Variants in FAHD2B observed in about 807,000 individuals in gnomAD.
FAHD2B encodes the protein fumarylacetoacetate hydrolase domain containing 2B, also known as oxaloacetate tautomerase FAHD2B, mitochondrial.
A neutral mutation model predicts 33.7 loss-of-function variants in FAHD2B; 26 were observed. That is an observed-to-expected ratio of 0.77 (90% CI 0.57 to 1.07). FAHD2B has a LOEUF of 1.07. FAHD2B is among the 50% of genes least tolerant of loss of function. The pLI is 0.00. For synonymous variants in FAHD2B, 108 were observed against 150.9 expected (o/e 0.72, Z 2.08); for missense variants, 272 against 388.1 (o/e 0.70, Z 2.51).
intron 3 of FAHD2B, among the ~76,000 whole-genome samples, chr2:97,090,757 A>T (rs886954192): frequency 2.0e-5 from 3 of 151,672 alleles, no homozygotes; most frequent in African/African-American, 7.3e-5. Context: ...ATACATAGAG[A>T]GTGTCCTCTT....
rs751966944 is a variant in FAHD2B at position 97,083,987 on chromosome 2, T to TG, written c.842dup (p.Gly282ArgfsTer17). ...GAGGTTTCCTGAATACACCGACACC[T>TG]GGGGGGGTCCCAGTTAGGATGACAT... On this transcript the variant is annotated frameshift_variant, in exon 8 of 9. Coordinates refer to ENST00000414820, the MANE Select transcript of FAHD2B (RefSeq NM_001320848.2). LOFTEE classifies it high-confidence loss of function. 3.0e-5 allele frequency: 49 copies of TG among 1,613,564 alleles called. No individual in the cohort carries two copies. Among genetic ancestry groups the TG allele is most frequent in the South Asian group, 9.9e-5 (9 of 90,912 alleles).
At chr2:97,085,066 G>A (rs1430651060) in intron 6 of FAHD2B, among the ~76,000 whole-genome samples, 1 of 152,128 alleles carries the variant, frequency 6.6e-6, no homozygotes, top group Non-Finnish European at 1.5e-5. Flanking sequence ...GTTGGTCTTA[G>A]TGTTCTACCA....
At chr2:97,088,205 G>A (rs2032113494) in intron 4 of FAHD2B, among the ~76,000 whole-genome samples, 1 of 152,098 alleles carries the variant, frequency 6.6e-6, no homozygotes, top group African/African-American at 2.4e-5. Context: ...TATAACAGCA[G>A]AGTTGAATTG....
In FAHD2B at chr2:97,083,983, C is replaced by T. The variant is rs781452898; in HGVS notation, c.847G>A (p.Val283Ile). 2.6e-5 allele frequency: 42 copies of T among 1,613,752 alleles called. No individual in the cohort carries two copies. Among genetic ancestry groups the T allele is most frequent in the African/African-American group, 2.4e-4 (18 of 74,932 alleles). ...DVILTGTPPGVGVFRKPPVFL... is the reference protein window; with the variant it reads ...DVILTGTPPGIGVFRKPPVFL... ...ACAGGAGGTTTCCTGAATACACCGA[C>T]ACCTGGGGGGGTCCCAGTTAGGATG... The change falls in exon 8 of 9, where the codon GTC (valine) becomes ATC (isoleucine). Residue 283 changes from valine to isoleucine, a missense_variant. Physicochemically the swap from Val to Ile is conservative, Grantham distance 29 (BLOSUM62 3). Transcript: ENST00000414820.
rs572970382 is a variant in FAHD2B, at chr2:97,086,206, G to T, written c.463-8C>A. 18 of 1,610,978 alleles carry T rather than the reference G, an allele frequency of 1.1e-5. No individual in the cohort carries two copies. The African/African-American group carries it at 2.4e-4, about 21-fold the overall frequency. Reference sequence around the variant, plus strand: ...CACTTCCCAATCTACCTCCTGTAGGGTGGGAGAGGAATAGTGAGCCGCAGT... The same window carrying T: ...CACTTCCCAATCTACCTCCTGTAGGTTGGGAGAGGAATAGTGAGCCGCAGT... On this transcript the variant is annotated splice_polypyrimidine_tract_variant and splice_region_variant and intron_variant, in intron 4 of 8. Transcript: ENST00000414820.
intron 2 of FAHD2B, 62 bp from the exon 3 acceptor site, chr2:97,091,774 G>A: frequency 6.4e-7 from 1 of 1,557,646 alleles, no homozygotes; most frequent in Non-Finnish European, 8.7e-7. Context: ...CAGCATCCCT[G>A]ATATTCCTAG....
downstream of FAHD2B, chr2:97,081,894 G>A (rs1174578971): frequency 1.7e-6 from 1 of 582,570 alleles, no homozygotes; most frequent in African/African-American, 2.1e-5. Flanking sequence ...ATCCTCTTGG[G>A]TCTCTAGGTC....
downstream of FAHD2B, chr2:97,081,085 GACC>G (rs2031626682): frequency 6.6e-7 from 1 of 1,509,250 alleles, no homozygotes. Context: ...CCTCATAATG[GACC>G]CTCCGCCCCC....
At position 97,083,943 on chromosome 2, in the gene FAHD2B, C is replaced by T. The variant is rs1373959536; in HGVS notation, c.882+5G>A. 1.2e-6 allele frequency: 2 copies of T among 1,613,782 alleles called. No homozygotes were observed. Among genetic ancestry groups the T allele is most frequent in the African/African-American group, 2.7e-5 (2 of 74,934 alleles). On this transcript the variant is annotated splice_donor_5th_base_variant and intron_variant, in intron 8 of 8. Transcript: ENST00000414820. The stretch of plus-strand genomic sequence containing the variant: ...CCTTGCTCTCTTTGCTTTTCGCTAA[C>T]CTACCTTGAGAAAGACAGGAGGTTT...
chr2:97,086,013 G>C (rs2031958820), intron 5 of FAHD2B, 126 bp downstream of exon 5: 4 of 1,279,944 alleles, frequency 3.1e-6, no homozygotes, highest in African/African-American at 1.4e-5. Context: ...GAGCAAGGAG[G>C]CTGACTGCTT....
chr2:97,085,116 G>A (rs1443360649), intron 6 of FAHD2B, among the ~76,000 whole-genome samples: 6 of 151,810 alleles, frequency 4.0e-5, no homozygotes, highest in Non-Finnish European at 5.9e-5. Context: ...TAACTTTGCC[G>A]AGGACTCTGT....
downstream of FAHD2B, chr2:97,082,336 G>A: frequency 4.4e-6 from 7 of 1,602,834 alleles, no homozygotes; most frequent in Non-Finnish European, 6.0e-6. Flanking sequence ...TTGTTCCCTT[G>A]CAGTCCTCGA....
intron 6 of FAHD2B, among the ~76,000 whole-genome samples, chr2:97,084,779 G>C (rs983530658): frequency 6.6e-6 from 1 of 151,866 alleles, no homozygotes; most frequent in Admixed American, 6.6e-5. Context: ...CAGGCGTGGT[G>C]GTGCGTGCCT....
intron 4 of FAHD2B, among the ~76,000 whole-genome samples, chr2:97,088,626 C>T (rs2032147145): frequency 1.3e-5 from 2 of 150,788 alleles, no homozygotes; most frequent in Non-Finnish European, 3.0e-5. Flanking sequence ...AGAAAACAGA[C>T]TAATACAGCC....
chr2:97,082,294 C>A, downstream of FAHD2B: 1 of 1,583,514 alleles, frequency 6.3e-7, no homozygotes, highest in Non-Finnish European at 8.6e-7. Flanking sequence ...CCTTCCTCCG[C>A]CAGGGCCAGC....
intron 4 of FAHD2B, among the ~76,000 whole-genome samples, chr2:97,089,450 C>T (rs1390690551): frequency 8.9e-5 from 12 of 134,988 alleles, no homozygotes; most frequent in African/African-American, 2.5e-4. Context: ...ACCCAGGAGG[C>T]GGAGGTTGCA....
intron 6 of FAHD2B, among the ~76,000 whole-genome samples, 171 bp downstream of exon 6, chr2:97,085,528 G>A (rs1284688125): frequency 3.9e-5 from 6 of 152,132 alleles, no homozygotes; most frequent in African/African-American, 2.4e-5. Flanking sequence ...TGGGAAGGAA[G>A]CCCATGGGAG....
In FAHD2B at chr2:97,090,305, G is replaced by A. The variant is rs749142803; in HGVS notation, c.266C>T (p.Pro89Leu). The A allele has an allele frequency of 6.8e-6, 11 of 1,612,678 alleles. No individual in the cohort carries two copies. Among genetic ancestry groups the A allele is most frequent in the Non-Finnish European group, 9.3e-6 (11 of 1,179,402 alleles). The change falls in exon 4 of 9, where the codon CCA becomes CTA. Residue 89 changes from proline to leucine, a missense_variant. By Grantham distance (98) the Pro-to-Leu change is moderately conservative. Coordinates refer to ENST00000414820, the MANE Select transcript of FAHD2B (RefSeq NM_001320848.2). ...VARRALAAQL[P>L]VLPWSEVTFL... ...GGTTACCTCCGACCATGGTAGGACTGGCAACTGGGCAGCCAAGGCTCTGTA... is the reference window on the plus strand; with the variant it reads ...GGTTACCTCCGACCATGGTAGGACTAGCAACTGGGCAGCCAAGGCTCTGTA...
chr2:97,093,758 C>A (rs911562028), intron 1 of FAHD2B, among the ~76,000 whole-genome samples: 1 of 152,100 alleles, frequency 6.6e-6, no homozygotes, highest in Admixed American at 6.6e-5. Flanking sequence ...CAGGAGTGAG[C>A]CACGGCGCCC....
Sources: gnomAD v4.1 joint callset for allele counts (sites outside exome capture counted in the v4.1 genomes callset) on GRCh38, gnomAD v4.1.1 for gene constraint, MANE v1.5 for transcripts, NCBI Gene and HGNC (gene_info 2026-07-23, HGNC 2026-07-21) for gene names.